Variants in MBTD1 observed in about 807,000 individuals in gnomAD.
MBTD1 encodes the protein MBT domain-containing protein 1.
Under a neutral mutation model 87.8 loss-of-function variants are expected in MBTD1, and 24 were observed. The observed-to-expected ratio is 0.27, with a 90% CI of 0.20 to 0.38. The LOEUF (loss-of-function observed/expected upper bound fraction) is 0.38, where lower values mean the gene tolerates loss of function less well. Ranked by LOEUF, MBTD1 falls within the 10% of genes least tolerant of loss-of-function variation. The pLI is 1.00. For missense variants in MBTD1, 436 were observed against 760.2 expected (o/e 0.57, Z 5.02); for synonymous variants, 237 against 248.6 (o/e 0.95, Z 0.44).
chr17:51,225,214 G>T lies in MBTD1; in HGVS notation c.-48-5C>A, dbSNP rs2053141525. On this transcript the variant is annotated splice_region_variant and splice_polypyrimidine_tract_variant and intron_variant, in intron 2 of 16. Coordinates refer to ENST00000586178, the MANE Select transcript of MBTD1 (RefSeq NM_017643.3). Reference sequence around the variant, plus strand: ...AGATCGTGAAGAATGTTCAGTCTTTGAAGTAAGAGAAACCAGTGACACATG... The same window carrying T: ...AGATCGTGAAGAATGTTCAGTCTTTTAAGTAAGAGAAACCAGTGACACATG... The T allele has an allele frequency of 5.4e-6, 8 of 1,469,326 alleles. No homozygotes were observed. Among genetic ancestry groups the T allele is most frequent in the Non-Finnish European group, 6.3e-6 (7 of 1,103,738 alleles). 91.0% of individuals were successfully genotyped at this position (1,469,326 alleles called of 1,614,324 possible). A position where few individuals can be genotyped will look rare whatever the true frequency, so the allele number is the denominator to read the frequency against.
chr17:51,255,015 G>C (rs1042919968), intron 2 of MBTD1, among the ~76,000 whole-genome samples: 1 of 152,198 alleles, frequency 6.6e-6, no homozygotes, highest in Non-Finnish European at 1.5e-5. Flanking sequence ...AGGCGCAGTG[G>C]CTCACGCCTG....
intron 3 of MBTD1, among the ~76,000 whole-genome samples, chr17:51,221,300 A>C (rs1360723791): frequency 6.6e-6 from 1 of 152,226 alleles, no homozygotes; most frequent in Admixed American, 6.5e-5. Flanking sequence ...CCTGAATCAA[A>C]AACAAAAAAC....
In MBTD1 at chr17:51,193,028, A is replaced by T; in HGVS notation, c.1456-12T>A. ...TGATTTGGAACATCCTGACACAGAG[A>T]AGAAAACATTAATATTGGTATGAAG... is the stretch of plus-strand genomic sequence containing the variant. On this transcript the variant is annotated splice_polypyrimidine_tract_variant and intron_variant, in intron 14 of 16. Coordinates refer to ENST00000586178, the MANE Select transcript of MBTD1 (RefSeq NM_017643.3). The T allele has an allele frequency of 6.4e-7, 1 of 1,572,814 alleles. No homozygotes were observed. The highest frequency in any genetic ancestry group is 8.7e-7 in the Non-Finnish European group (1 of 1,143,186).
chr17:51,232,669 C>T (rs1247057220), intron 2 of MBTD1, among the ~76,000 whole-genome samples: 1 of 151,814 alleles, frequency 6.6e-6, no homozygotes, highest in Non-Finnish European at 1.5e-5. Context: ...AATAAGAATT[C>T]TTAAAGGAGT....
rs954343816 is a variant in MBTD1 at position 51,226,874 on chromosome 17, G to T, written c.-48-1665C>A. 2.6e-5 allele frequency among the ~76,000 whole-genome samples: 4 copies of T among 151,766 alleles called. No individual in the cohort carries two copies. The South Asian group carries it at 8.3e-4, about 32-fold the overall frequency. On this transcript the variant is annotated intron_variant, in intron 2 of 16. Transcript: ENST00000586178. ...ATTGAACTCCTGGCCTCAAGTGATC[G>T]CCTGCCTTGGCTTCCCAAAGTGCTG...
At chr17:51,237,188 C>T (rs996142850) in intron 2 of MBTD1, among the ~76,000 whole-genome samples, 16 of 148,482 alleles carry the variant, frequency 1.1e-4, no homozygotes, top group South Asian at 1.1e-3. Flanking sequence ...CTCAGCTACT[C>T]GGGAGGCTGA....
At chr17:51,213,311 C>T (rs1412434801) in intron 6 of MBTD1, among the ~76,000 whole-genome samples, 1 of 152,182 alleles carries the variant, frequency 6.6e-6, no homozygotes, top group Non-Finnish European at 1.5e-5. Context: ...GGATTACAGG[C>T]ATGAGCCACT....
chr17:51,251,676 G>A (rs2054795009), intron 2 of MBTD1: 1 of 152,126 alleles, frequency 6.6e-6, no homozygotes, highest in South Asian at 2.1e-4. Flanking sequence ...CTACCTATAA[G>A]AATCTACAAA....
intron 2 of MBTD1, among the ~76,000 whole-genome samples, chr17:51,237,972 T>C (rs1162368876): frequency 2.0e-5 from 3 of 152,218 alleles, no homozygotes; most frequent in African/African-American, 2.4e-5. Context: ...ATTATTGATA[T>C]ACACAGCGTG....
At position 51,259,952 on chromosome 17, in the gene MBTD1, T is replaced by A; in HGVS notation, c.-230A>T. On this transcript the variant is annotated 5_prime_UTR_variant, in exon 1 of 17. Transcript: ENST00000586178. ...TGCCTCTCCCCGGGACTGCGGCGACTACAGGGGGCCCCCGGCTGGGCCCAG... is the reference window on the plus strand; with the variant it reads ...TGCCTCTCCCCGGGACTGCGGCGACAACAGGGGGCCCCCGGCTGGGCCCAG... 2.6e-6 allele frequency: 3 copies of A among 1,144,700 alleles called. No individual in the cohort carries two copies. The highest frequency in any genetic ancestry group is 2.2e-6 in the Non-Finnish European group (2 of 908,482). The allele number at this position is 1,144,700 out of a possible 1,614,324, so 70.9% of individuals were successfully genotyped here. A position where few individuals can be genotyped will look rare whatever the true frequency, so the allele number is the denominator to read the frequency against.
intron 2 of MBTD1, among the ~76,000 whole-genome samples, chr17:51,225,729 CT>C (rs1293566045): frequency 6.6e-6 from 1 of 151,570 alleles, no homozygotes; most frequent in Non-Finnish European, 1.5e-5. Context: ...GCCCAGATTT[CT>C]TTTTTCTTTT....
chr17:51,201,461 C>T, intron 12 of MBTD1, 131 bp downstream of exon 12: 1 of 507,492 alleles, frequency 2.0e-6, no homozygotes. Flanking sequence ...AAATTCCTAG[C>T]AACCTTCTCC....
At chr17:51,216,698 G>A (rs901975071) in intron 6 of MBTD1, among the ~76,000 whole-genome samples, 4 of 152,156 alleles carry the variant, frequency 2.6e-5, no homozygotes, top group African/African-American at 9.7e-5. Context: ...AGGTCAAATC[G>A]TATGACATTG....
At chr17:51,237,440 A>G (rs1371824544) in intron 2 of MBTD1, among the ~76,000 whole-genome samples, 3 of 152,196 alleles carry the variant, frequency 2.0e-5, no homozygotes, top group African/African-American at 7.2e-5. Flanking sequence ...CACAGATTTG[A>G]TAAGGGGTTT....
rs534966698 is a variant in MBTD1 at position 51,225,112 on chromosome 17, C to A, written c.50G>T (p.Ser17Ile). 2 of 1,551,426 alleles carry A rather than the reference C, an allele frequency of 1.3e-6. No homozygotes were observed. Among genetic ancestry groups the A allele is most frequent in the African/African-American group, 2.7e-5 (2 of 73,132 alleles). Residue 17 changes from serine (S) to isoleucine (I), a missense_variant, in exon 3 of 17, where the codon AGC becomes ATC. Physicochemically the swap from Ser to Ile is moderately radical, Grantham distance 142 (BLOSUM62 -2). Transcript: ENST00000586178. ...GACTTCTTCCTCACTCTCTTCGGAG[C>A]TGGAGCTGCTGCTTGTGTCCTCACT... ...SCSEDTSSSS[S>I]SEESEEEVAP... is the part of the protein sequence containing the mutation.
chr17:51,199,089 C>T (rs1273761833), intron 12 of MBTD1, among the ~76,000 whole-genome samples: 3 of 151,800 alleles, frequency 2.0e-5, no homozygotes, highest in African/African-American at 4.8e-5. Context: ...AGGCACTGCA[C>T]GCAGTCTTTA....
chr17:51,210,147 G>C (rs569964646), intron 6 of MBTD1, among the ~76,000 whole-genome samples: 87 of 151,914 alleles, frequency 5.7e-4, no homozygotes, highest in African/African-American at 2.0e-3. Context: ...GATTACAGGC[G>C]CATGCCACCA....
At chr17:51,188,843 T>C (rs2050669325) in intron 16 of MBTD1, among the ~76,000 whole-genome samples, 1 of 139,216 alleles carries the variant, frequency 7.2e-6, no homozygotes, top group Non-Finnish European at 1.5e-5. Flanking sequence ...CACTGCAACC[T>C]CCGCCTCCCA....
chr17:51,184,823 AAAACTTAGAC>A (rs1444341955), intron 16 of MBTD1: 9 of 152,362 alleles, frequency 5.9e-5, no homozygotes, highest in African/African-American at 2.2e-4. Flanking sequence ...CAAAAAGAAA[AAAACTTAGAC>A]AAGAAAGGAA....
Sources: allele counts gnomAD v4.1 joint callset (sites outside exome capture counted in the v4.1 genomes callset), GRCh38; gene constraint gnomAD v4.1.1; transcripts MANE v1.5; gene names NCBI Gene and HGNC (gene_info 2026-07-23, HGNC 2026-07-21).